Variants in RYR3 observed in about 807,000 individuals in gnomAD.
RYR3 encodes brain ryanodine receptor-calcium release channel.
RYR3 carries 207 observed loss-of-function variants against 584.3 expected under a neutral mutation model. The ratio of observed to expected loss-of-function variants is 0.35; its 90% CI spans 0.32 to 0.40. The LOEUF is 0.40. Among genes scored for constraint, RYR3 ranks in the 10% least tolerant of loss-of-function variants. The pLI, the probability that RYR3 is intolerant of heterozygous loss-of-function variation, is 1.00. For missense variants in RYR3, 5,616 were observed against 6,089.2 expected, an observed-to-expected ratio of 0.92 and a Z score of 2.59; for synonymous variants, 2,416 against 2,248.5, an observed-to-expected ratio of 1.07 and a Z score of -2.11.
chr15:33,780,216 G>A lies in RYR3; in HGVS notation c.9143G>A (p.Arg3048His), dbSNP rs139568967. The A allele has an allele frequency of 2.5e-5, 41 of 1,613,538 alleles. No homozygotes were observed. The highest frequency in any genetic ancestry group is 3.3e-5 in the Admixed American group (2 of 59,996). The change falls in exon 65 of 104, where the codon CGC becomes CAC. Residue 3048 changes from arginine to histidine, a missense_variant. Transcript: ENST00000634891. ...ATGGACTTCTTTGTTTCCAGGCAAC[G>A]CCCTGCCCTTGGAGAATGTCTGGCC... The part of the protein sequence containing the change: ...TGKNIYVERQ[R>H]PALGECLASL...
At chr15:33,820,861 G>A in intron 78 of RYR3, 49 bp downstream of exon 78, 1 of 1,259,432 alleles carries the variant, frequency 7.9e-7, no homozygotes, top group Non-Finnish European at 1.1e-6. Context: ...AAGGCCAATA[G>A]GCCAGGCCTT....
intron 94 of RYR3, chr15:33,849,088 A>AG (rs1474117042): frequency 6.6e-6 from 1 of 152,242 alleles, no homozygotes; most frequent in Non-Finnish European, 1.5e-5. Context: ...CACCCACCTC[A>AG]GCCTCCCAAA....
At chr15:33,541,190 T>A (rs1016952174) in intron 7 of RYR3, among the ~76,000 whole-genome samples, 2 of 152,148 alleles carry the variant, frequency 1.3e-5, no homozygotes, top group African/African-American at 2.4e-5. Context: ...GTTTCCACAA[T>A]TTTATTTTTG....
chr15:33,355,398 A>G (rs1296392827), intron 1 of RYR3, among the ~76,000 whole-genome samples: 1 of 152,150 alleles, frequency 6.6e-6, no homozygotes, highest in Non-Finnish European at 1.5e-5. Flanking sequence ...TATGGTACCT[A>G]TAGCATCACA....
chr15:33,815,814 A>T (rs1370603739), intron 74 of RYR3: 6 of 398,368 alleles, frequency 1.5e-5, no homozygotes, highest in Non-Finnish European at 2.7e-5. Context: ...TTAAAAGAAA[A>T]CTTGTATGCT....
At chr15:33,512,146 A>C (rs1233977626) in intron 3 of RYR3, among the ~76,000 whole-genome samples, 1 of 152,158 alleles carries the variant, frequency 6.6e-6, no homozygotes, top group Non-Finnish European at 1.5e-5. Flanking sequence ...TCATAGGTTC[A>C]ATCTGGTGAG....
intron 11 of RYR3, among the ~76,000 whole-genome samples, chr15:33,565,120 A>AC: frequency 2.8e-5 from 1 of 36,088 alleles, no homozygotes; most frequent in Middle Eastern, 0.071. Context: ...GACCTTAGGA[A>AC]CTGGCTGCTG....
Position 33,662,638 on chromosome 15 carries a change from T to A in RYR3, c.5108T>A (p.Val1703Glu), listed in dbSNP as rs2063233597. The change falls in exon 35 of 104, where the codon GTG becomes GAG. Residue 1703 changes from valine (V) to glutamate (E), a missense_variant. By Grantham distance (121) the Val-to-Glu change is moderately radical. Transcript: ENST00000634891. ...GCTCTGAGTATGCTGACAGAGGCAG[T>A]GCAGTGCAGCGGGGCCCACATCCGA... ...TKALSMLTEA[V>E]QCSGAHIRDP... The A allele has an allele frequency of 6.2e-7, 1 of 1,613,912 alleles. No homozygotes were observed. Among genetic ancestry groups the A allele is most frequent in the Admixed American group, 1.7e-5 (1 of 60,004 alleles).
chr15:33,366,656 G>C (rs1268582141), intron 1 of RYR3, among the ~76,000 whole-genome samples: 1 of 152,224 alleles, frequency 6.6e-6, no homozygotes, highest in Non-Finnish European at 1.5e-5. Flanking sequence ...AGATAAATCA[G>C]AGGAGGGGTT....
In RYR3 at chr15:33,722,715, G is replaced by A. The variant is rs1380111785; in HGVS notation, c.6620G>A (p.Ser2207Asn). ...SFLRFAVFVN[S>N]ESVEENASVV... Reference sequence around the variant, plus strand: ...AGGAAACAGTGCCTGTCTTCCTCAGGTGAGAGTGTGGAAGAAAACGCCAGC... The same window carrying A: ...AGGAAACAGTGCCTGTCTTCCTCAGATGAGAGTGTGGAAGAAAACGCCAGC... The change falls in exon 44 of 104, where the codon AGT (serine) becomes AAT (asparagine). Residue 2207 changes from serine (S) to asparagine (N), a missense_variant and splice_region_variant. This residue lies in a region of RYR3 where 1,280 missense variants were observed against 1,426.2 expected (regional missense o/e 0.90). Transcript: ENST00000634891. 2.5e-6 allele frequency: 4 copies of A among 1,611,604 alleles called. No homozygotes were observed. Among genetic ancestry groups the A allele is most frequent in the Non-Finnish European group, 3.4e-6 (4 of 1,178,730 alleles).
chr15:33,400,657 A>G (rs1208480242), intron 1 of RYR3, among the ~76,000 whole-genome samples: 1 of 152,226 alleles, frequency 6.6e-6, no homozygotes, highest in Non-Finnish European at 1.5e-5. Context: ...GCAATTTTGT[A>G]AGGTAGTAGA....
In RYR3 at chr15:33,503,595, T is replaced by G. The variant is rs745548641; in HGVS notation, c.172-36T>G. 7 of 1,235,790 alleles carry G rather than the reference T, an allele frequency of 5.7e-6. No homozygotes were observed. The African/African-American group carries it at 7.4e-5, about 13-fold the overall frequency. The allele number at this position is 1,235,790 out of a possible 1,614,324, so 76.6% of individuals were successfully genotyped here. On this transcript the variant is annotated intron_variant, in intron 2 of 103. Transcript: ENST00000634891. ...TTGCGTGACTGATCTCTGACTGATA[T>G]GAGTAGGTATCCTCATTCTGATTTT...
At chr15:33,444,204 C>T (rs1439493740) in intron 1 of RYR3, among the ~76,000 whole-genome samples, 1 of 152,116 alleles carries the variant, frequency 6.6e-6, no homozygotes, top group African/African-American at 2.4e-5. Flanking sequence ...TGTCACAGAC[C>T]TGTTGTAGAC....
At chr15:33,629,536 C>T (rs1451923005) in intron 21 of RYR3, among the ~76,000 whole-genome samples, 3 of 152,218 alleles carry the variant, frequency 2.0e-5, no homozygotes, top group African/African-American at 7.2e-5. Flanking sequence ...AAATGTGCTT[C>T]ACGTTTGTGG....
chr15:33,547,588 G>T (rs535631749), intron 8 of RYR3, among the ~76,000 whole-genome samples: 1 of 152,196 alleles, frequency 6.6e-6, no homozygotes, highest in South Asian at 2.1e-4. Context: ...ATTAAAAGAT[G>T]ATTCTTAACA....
At chr15:33,328,004 A>C (rs779526541) in intron 1 of RYR3, among the ~76,000 whole-genome samples, 4 of 152,172 alleles carry the variant, frequency 2.6e-5, no homozygotes, top group Non-Finnish European at 5.9e-5. Context: ...TTTTCAATAA[A>C]ATTTCAAAAG....
chr15:33,756,538 A>G (rs1448541723), intron 59 of RYR3, among the ~76,000 whole-genome samples, 165 bp downstream of exon 59: 1 of 148,792 alleles, frequency 6.7e-6, no homozygotes, highest in Admixed American at 6.6e-5. Flanking sequence ...CTGGCAGTCC[A>G]AGGAGGGATG....
chr15:33,858,419 C>G (rs563011864), intron 99 of RYR3, among the ~76,000 whole-genome samples: 47 of 152,092 alleles, frequency 3.1e-4, no homozygotes, highest in Middle Eastern at 3.4e-3. Context: ...GTTGGTCAGG[C>G]TGGTCTCAAA....
intron 3 of RYR3, among the ~76,000 whole-genome samples, chr15:33,529,944 CTGTT>C (rs1778326703): frequency 6.6e-6 from 1 of 152,214 alleles, no homozygotes; most frequent in African/African-American, 2.4e-5. Flanking sequence ...CCCTCTCCCA[CTGTT>C]TGGGCAGCCA....
Sources: allele counts gnomAD v4.1 joint callset (sites outside exome capture counted in the v4.1 genomes callset), GRCh38; gene constraint gnomAD v4.1.1; regional missense constraint gnomAD v4.1.1; transcripts MANE v1.5; gene names NCBI Gene and HGNC (gene_info 2026-07-23, HGNC 2026-07-21).